The following CACNA2D3 variants were observed in gnomAD, a reference collection of about 807,000 sequenced individuals.
The protein encoded by CACNA2D3 is calcium voltage-gated channel auxiliary subunit alpha2delta 3, also known as voltage-dependent calcium channel subunit alpha-2/delta-3.
In CACNA2D3, 60 loss-of-function variants were observed where a neutral mutation model predicts 160.6. The ratio of observed to expected loss-of-function variants is 0.37; its 90% CI spans 0.30 to 0.46. The LOEUF (loss-of-function observed/expected upper bound fraction) is 0.46. CACNA2D3 is among the 20% of genes least tolerant of loss of function. CACNA2D3 has a pLI of 1.00. For synonymous variants in CACNA2D3, 558 were observed against 492.9 expected (o/e 1.13, Z -1.75); for missense variants, 1,205 against 1,365.0 (o/e 0.88, Z 1.85).
intron 11 of CACNA2D3, among the ~76,000 whole-genome samples, chr3:54,660,113 G>A (rs573089675): frequency 3.3e-5 from 5 of 151,244 alleles, no homozygotes; most frequent in Non-Finnish European, 4.4e-5. Flanking sequence ...CATGTCATTG[G>A]GTCCTCATCA....
chr3:54,933,242 C>A (rs1701248261), intron 27 of CACNA2D3, among the ~76,000 whole-genome samples: 1 of 152,162 alleles, frequency 6.6e-6, no homozygotes, highest in African/African-American at 2.4e-5. Context: ...TACAATGGGG[C>A]ACATAGTGCT....
intron 27 of CACNA2D3, chr3:54,924,671 G>A: frequency 6.2e-7 from 1 of 1,614,120 alleles, no homozygotes; most frequent in Non-Finnish European, 8.5e-7. Flanking sequence ...AGTGGCAATT[G>A]CATTTCCAGA....
intron 4 of CACNA2D3, among the ~76,000 whole-genome samples, chr3:54,433,710 G>A (rs532335059): frequency 2.0e-4 from 31 of 152,270 alleles, no homozygotes; most frequent in African/African-American, 7.0e-4. Flanking sequence ...GAGTTTCCTT[G>A]TTACTTCTCA....
At chr3:54,385,715 G>A (rs1178870849) in intron 3 of CACNA2D3, among the ~76,000 whole-genome samples, 1 of 152,118 alleles carries the variant, frequency 6.6e-6, no homozygotes, top group Non-Finnish European at 1.5e-5. Flanking sequence ...CCATCAATTT[G>A]TGACCGTTTA....
intron 2 of CACNA2D3, chr3:54,273,045 G>A (rs1269866810): frequency 6.6e-6 from 1 of 152,354 alleles, no homozygotes; most frequent in East Asian, 1.9e-4. Flanking sequence ...CTGGTGAGCA[G>A]ATTGTCACTC....
chr3:54,567,156 A>G (rs1702421847), intron 6 of CACNA2D3, among the ~76,000 whole-genome samples: 2 of 152,204 alleles, frequency 1.3e-5, no homozygotes, highest in South Asian at 4.1e-4. Context: ...GAGAGATGGC[A>G]TCTAGTTGAA....
intron 27 of CACNA2D3, among the ~76,000 whole-genome samples, chr3:54,903,644 C>T (rs535413360): frequency 1.3e-5 from 2 of 152,194 alleles, no homozygotes; most frequent in Non-Finnish European, 2.9e-5. Flanking sequence ...CTGTTTTCTA[C>T]AATGGCTGAA....
At chr3:54,614,134 T>C (rs570878721) in intron 9 of CACNA2D3, among the ~76,000 whole-genome samples, 57 of 152,320 alleles carry the variant, frequency 3.7e-4, no homozygotes, top group African/African-American at 1.4e-3. Context: ...TGCAAGGATA[T>C]TGGGATAAAA....
rs540120495 is a variant in CACNA2D3, at chr3:54,252,586, G to C, written c.205-67856G>C. ...GTGCACACTCTGTGTGAGGACTTTG[G>C]TTGTCTCTCTCCTGTCTTTGGTCTC... On this transcript the variant is annotated intron_variant, in intron 2 of 37. Transcript: ENST00000474759. 4.6e-4 allele frequency among the ~76,000 whole-genome samples: 70 copies of C among 152,254 alleles called. No homozygotes were observed. The South Asian group carries it at 7.9e-3, about 17-fold the overall frequency.
chr3:54,613,383 G>A (rs1357219284), intron 9 of CACNA2D3, among the ~76,000 whole-genome samples: 1 of 152,174 alleles, frequency 6.6e-6, no homozygotes, highest in Non-Finnish European at 1.5e-5. Context: ...TGTAATGGGA[G>A]CACTTATTTC....
At chr3:54,430,218 T>C (rs1329240306) in intron 4 of CACNA2D3, among the ~76,000 whole-genome samples, 1 of 85,522 alleles carries the variant, frequency 1.2e-5, no homozygotes, top group African/African-American at 4.2e-5. Context: ...GGATTTGTTA[T>C]TTATTTGCTA....
chr3:54,291,328 G>A (rs935522921), intron 2 of CACNA2D3, among the ~76,000 whole-genome samples: 6 of 152,086 alleles, frequency 3.9e-5, no homozygotes, highest in Non-Finnish European at 8.8e-5. Flanking sequence ...TCTCAGATAG[G>A]CAATTAAAAT....
intron 2 of CACNA2D3, among the ~76,000 whole-genome samples, chr3:54,295,326 G>A (rs1439491045): frequency 6.6e-6 from 1 of 152,184 alleles, no homozygotes; most frequent in Non-Finnish European, 1.5e-5. Flanking sequence ...TGGGGCCTCT[G>A]TAAACCAAAG....
chr3:54,554,822 A>T (rs1702215064), intron 5 of CACNA2D3, among the ~76,000 whole-genome samples: 2 of 148,886 alleles, frequency 1.3e-5, no homozygotes, highest in Non-Finnish European at 3.0e-5. Context: ...GAAAGTTGGA[A>T]GCCCCTCTTG....
chr3:54,330,094 G>A lies in CACNA2D3; in HGVS notation c.321+9536G>A, dbSNP rs542443593. On this transcript the variant is annotated intron_variant, in intron 3 of 37. Coordinates refer to ENST00000474759, the MANE Select transcript of CACNA2D3 (RefSeq NM_018398.3). ...AGAATCTTTGTTAAAAATCAGCTGG[G>A]ATATCATTTATTGCACATCCCAGGC... Among the ~76,000 whole-genome samples the A allele has an allele frequency of 2.0e-5, 3 of 152,264 alleles. No homozygotes were observed. In the South Asian group the frequency reaches 6.2e-4, roughly 32 times the overall value.
At chr3:54,687,543 C>A (rs1428492468) in intron 11 of CACNA2D3, among the ~76,000 whole-genome samples, 2 of 152,116 alleles carry the variant, frequency 1.3e-5, no homozygotes, top group Non-Finnish European at 2.9e-5. Flanking sequence ...AATTGATCTT[C>A]TGAAAGCTAG....
intron 4 of CACNA2D3, among the ~76,000 whole-genome samples, chr3:54,464,406 T>C (rs960922209): frequency 6.6e-6 from 1 of 152,258 alleles, no homozygotes; most frequent in African/African-American, 2.4e-5. Context: ...GCAGGCCTCC[T>C]TGAGCTGTGG....
chr3:55,057,350 A>T (rs1559475886), intron 35 of CACNA2D3, among the ~76,000 whole-genome samples: 4 of 151,954 alleles, frequency 2.6e-5, no homozygotes, highest in Admixed American at 2.6e-4. Flanking sequence ...ACATCACTTC[A>T]TGCCCCATGA....
At chr3:55,018,837 T>C (rs1703385010) in intron 35 of CACNA2D3, among the ~76,000 whole-genome samples, 1 of 152,130 alleles carries the variant, frequency 6.6e-6, no homozygotes, top group Non-Finnish European at 1.5e-5. Context: ...GGTGATTGGA[T>C]CTACTCTTAC....
Sources: gnomAD v4.1 joint callset for allele counts (sites outside exome capture counted in the v4.1 genomes callset) on GRCh38, gnomAD v4.1.1 for gene constraint, MANE v1.5 for transcripts, NCBI Gene and HGNC (gene_info 2026-07-23, HGNC 2026-07-21) for gene names.